CLPB: variants seen among roughly 807,000 people sequenced by gnomAD.
CLPB encodes ClpB family mitochondrial disaggregase, also known as mitochondrial disaggregase.
A neutral mutation model predicts 78.4 loss-of-function variants in CLPB; 40 were observed. The ratio of observed to expected loss-of-function variants is 0.51; its 90% CI spans 0.40 to 0.66. CLPB has a LOEUF of 0.66. Ranked by LOEUF, CLPB falls within the 30% of genes least tolerant of loss-of-function variation. The pLI is 0.00. For synonymous variants in CLPB, 333 were observed against 348.0 expected, an observed-to-expected ratio of 0.96 and a Z score of 0.48; for missense variants, 780 against 886.9, an observed-to-expected ratio of 0.88 and a Z score of 1.53.
At chr11:72,429,830 C>G (rs535060993) in intron 2 of CLPB, among the ~76,000 whole-genome samples, 12 of 152,340 alleles carry the variant, frequency 7.9e-5, no homozygotes, top group African/African-American at 2.9e-4. Context: ...AGTCTGTCCC[C>G]GGGCAAAGCC....
chr11:72,377,787 T>A (rs896572753), intron 4 of CLPB, among the ~76,000 whole-genome samples: 8 of 152,086 alleles, frequency 5.3e-5, no homozygotes, highest in Non-Finnish European at 1.2e-4. Context: ...TAGAGCAGGG[T>A]TGGCAAACTA....
rs941887181 is a variant in CLPB, at chr11:72,287,912, T to G, written c.*5455A>C. 3.9e-5 allele frequency: 6 copies of G among 152,048 alleles called. No individual in the cohort carries two copies. The allele number at this position is 152,048 out of a possible 1,614,324, so 9.4% of individuals were successfully genotyped here. A position where few individuals can be genotyped will look rare whatever the true frequency, so the allele number is the denominator to read the frequency against. On this transcript the variant is annotated 3_prime_UTR_variant, in exon 16 of 16. Transcript: ENST00000538039. ...TCCCCTTTTATCAGGCTCAGGAGGT[T>G]TTATCTATTTTATTGGTGCTTTCAA... is the stretch of plus-strand genomic sequence containing the variant.
At chr11:72,415,753 G>C (rs191562746) in intron 2 of CLPB, among the ~76,000 whole-genome samples, 173 of 152,282 alleles carry the variant, frequency 1.1e-3, no homozygotes, top group Admixed American at 3.7e-3. Context: ...ACAGAACCTA[G>C]GAGTGTAACG....
At chr11:72,299,854 C>G (rs1326344267) in intron 11 of CLPB, among the ~76,000 whole-genome samples, 1 of 152,162 alleles carries the variant, frequency 6.6e-6, no homozygotes, top group Admixed American at 6.5e-5. Flanking sequence ...TCCTATCAAC[C>G]CCTAAAAGGC....
rs555892735 is a variant in CLPB, at chr11:72,312,623, C to T, written c.989-4019G>A. Among the ~76,000 whole-genome samples, 1 of 152,282 alleles carries T rather than the reference C, an allele frequency of 6.6e-6. No homozygotes were observed. Among genetic ancestry groups the T allele is most frequent in the South Asian group, 2.1e-4 (1 of 4,824 alleles). ...AGAACAGGTACTTCAACTCATTTTA[C>T]AGAGAAGAGGAGAAGAGTAAGGCCT... On this transcript the variant is annotated intron_variant, in intron 7 of 15. Transcript: ENST00000538039. This position sits in a 1 kb window ranked among gnomAD's most constrained non-coding sequence, Gnocchi z 4.2.
chr11:72,322,570 C>T (rs1950063094), intron 6 of CLPB, among the ~76,000 whole-genome samples: 1 of 152,172 alleles, frequency 6.6e-6, no homozygotes, highest in Non-Finnish European at 1.5e-5. Flanking sequence ...AGGAAAAATA[C>T]TTGATATGTA....
intron 11 of CLPB, among the ~76,000 whole-genome samples, chr11:72,298,526 C>G (rs185517163): frequency 7.4e-4 from 113 of 152,328 alleles, no homozygotes; most frequent in South Asian, 2.1e-3. Flanking sequence ...GAGACAGGGT[C>G]TGGCTCTGTT....
At chr11:72,336,358 C>T (rs1043824356) in intron 5 of CLPB, among the ~76,000 whole-genome samples, 7 of 152,188 alleles carry the variant, frequency 4.6e-5, no homozygotes, top group East Asian at 1.9e-4. Context: ...TCTAGTGATA[C>T]GATTCCACTA....
In CLPB at chr11:72,388,320, G is replaced by A. The variant is rs552969945; in HGVS notation, c.543-7936C>T. Among the ~76,000 whole-genome samples, 442 of 147,918 alleles carry A rather than the reference G, an allele frequency of 3.0e-3. 1 individual carries two copies. Among genetic ancestry groups the A allele is most frequent in the Non-Finnish European group, 5.0e-3 (336 of 67,540 alleles). On this transcript the variant is annotated intron_variant, in intron 3 of 15. Transcript: ENST00000538039. ...GGCTGGAGTGCACTGGCGCAATCTC[G>A]GCTCACTGCCAGCTCCGCCTCCCGG... is the stretch of plus-strand genomic sequence containing the variant.
intron 4 of CLPB, among the ~76,000 whole-genome samples, chr11:72,368,393 G>C (rs1475781232): frequency 2.6e-5 from 4 of 152,164 alleles, no homozygotes; most frequent in African/African-American, 4.8e-5. Context: ...CTGACACTTA[G>C]AGAAGTTATG....
intron 3 of CLPB, among the ~76,000 whole-genome samples, chr11:72,387,060 C>A (rs1357145084): frequency 6.6e-6 from 1 of 152,196 alleles, no homozygotes; most frequent in East Asian, 1.9e-4. Context: ...GCTGTAAAAT[C>A]TGGGATGATC....
intron 3 of CLPB, among the ~76,000 whole-genome samples, chr11:72,385,906 C>T (rs1855061141): frequency 6.6e-6 from 1 of 152,156 alleles, no homozygotes. Context: ...TTGATTTAAC[C>T]AATCCCTACT....
intron 5 of CLPB, among the ~76,000 whole-genome samples, chr11:72,349,743 T>A (rs947492692): frequency 6.6e-6 from 1 of 152,252 alleles, no homozygotes; most frequent in Non-Finnish European, 1.5e-5. Flanking sequence ...CAACAGCACA[T>A]ACGCTGGAGG....
At chr11:72,394,471 A>G (rs1291212920) in intron 3 of CLPB, among the ~76,000 whole-genome samples, 2 of 152,116 alleles carry the variant, frequency 1.3e-5, no homozygotes, top group African/African-American at 4.8e-5. Flanking sequence ...GCCACTCTCC[A>G]TGAAGACAGC....
intron 5 of CLPB, among the ~76,000 whole-genome samples, chr11:72,330,418 G>A (rs530032543): frequency 6.6e-6 from 1 of 152,308 alleles, no homozygotes; most frequent in East Asian, 1.9e-4. Context: ...TAGTTCCTGT[G>A]ACTTAAGGAC....
intron 2 of CLPB, among the ~76,000 whole-genome samples, chr11:72,417,144 T>C (rs1856049092): frequency 6.6e-6 from 1 of 152,176 alleles, no homozygotes; most frequent in Non-Finnish European, 1.5e-5. Flanking sequence ...GCATTATTCA[T>C]AATAGCTAAA....
chr11:72,399,600 G>A (rs914128167), intron 3 of CLPB, among the ~76,000 whole-genome samples: 5 of 152,158 alleles, frequency 3.3e-5, no homozygotes, highest in African/African-American at 1.2e-4. Flanking sequence ...TAAGGACAGA[G>A]ACTATTGTAT....
At chr11:72,395,799 A>C (rs1470529331) in intron 3 of CLPB, among the ~76,000 whole-genome samples, 1 of 152,200 alleles carries the variant, frequency 6.6e-6, no homozygotes, top group African/African-American at 2.4e-5. Flanking sequence ...ACTTTCAAGC[A>C]CAGGTACACT....
intron 4 of CLPB, among the ~76,000 whole-genome samples, chr11:72,361,364 A>G (rs1410191927): frequency 1.3e-5 from 2 of 152,222 alleles, no homozygotes; most frequent in Non-Finnish European, 2.9e-5. Flanking sequence ...TCCCATGTGC[A>G]ATGGCATCTA....
Sources: allele counts gnomAD v4.1 joint callset (sites outside exome capture counted in the v4.1 genomes callset), GRCh38; gene constraint gnomAD v4.1.1; non-coding constraint Gnocchi (gnomAD v3.1); transcripts MANE v1.5; gene names NCBI Gene and HGNC (gene_info 2026-07-23, HGNC 2026-07-21).